TMEM236: variants seen among roughly 807,000 people sequenced by gnomAD.
TMEM236 encodes family with sequence similarity 23, member A.
Under a neutral mutation model 14.7 loss-of-function variants are expected in TMEM236, and 11 were observed. That is an observed-to-expected ratio of 0.75 (90% CI 0.47 to 1.24). The LOEUF (loss-of-function observed/expected upper bound fraction) is 1.24. Ranked by LOEUF, TMEM236 falls within the 50% of genes most tolerant of loss-of-function variation. The pLI, the probability that TMEM236 is intolerant of heterozygous loss-of-function variation, is 0.00. For missense variants in TMEM236, 464 were observed against 427.3 expected (o/e 1.09, Z -0.76); for synonymous variants, 182 against 168.6 (o/e 1.08, Z -0.62).
chr10:17,759,947 C>T (rs1837332506), intron 1 of TMEM236, among the ~76,000 whole-genome samples: 1 of 126,390 alleles, frequency 7.9e-6, no homozygotes, highest in African/African-American at 3.1e-5. Flanking sequence ...AGCGCCGCTG[C>T]AGTCCGGCCT....
At chr10:17,770,915 T>C (rs1837560898) in intron 1 of TMEM236, among the ~76,000 whole-genome samples, 1 of 152,230 alleles carries the variant, frequency 6.6e-6, no homozygotes, top group Non-Finnish European at 1.5e-5. Flanking sequence ...CTTTTTGAAA[T>C]ATAAATTTTA....
chr10:17,793,981 G>A (rs1350291073), intron 3 of TMEM236, among the ~76,000 whole-genome samples: 1 of 152,130 alleles, frequency 6.6e-6, no homozygotes, highest in African/African-American at 2.4e-5. Flanking sequence ...CTAAGGTCAT[G>A]GGTGCTGACA....
chr10:17,784,969 T>C (rs34947373), intron 3 of TMEM236, among the ~76,000 whole-genome samples: 58,741 of 151,982 alleles, frequency 0.39, 12,446 homozygotes, highest in African/African-American at 0.58. Context: ...TGTGATTTTT[T>C]TCCTCACTGA....
At chr10:17,757,926 G>A (rs1172874869) in intron 1 of TMEM236, among the ~76,000 whole-genome samples, 1 of 151,864 alleles carries the variant, frequency 6.6e-6, no homozygotes, top group Non-Finnish European at 1.5e-5. Context: ...GCGCCACCAC[G>A]CCTGGCTAAT....
At chr10:17,771,625 A>G (rs1837574635) in intron 2 of TMEM236, among the ~76,000 whole-genome samples, 1 of 152,196 alleles carries the variant, frequency 6.6e-6, no homozygotes, top group South Asian at 2.1e-4. Context: ...CAGTAATGAT[A>G]TTTGAACGTT....
At position 17,796,415 on chromosome 10, in the gene TMEM236, A is replaced by G; in HGVS notation, c.967A>G (p.Lys323Glu). Residue 323 changes from lysine to glutamate, a missense_variant, in exon 4 of 4, where the codon AAA becomes GAA. By Grantham distance (56) the Lys-to-Glu change is moderately conservative. Transcript: ENST00000377495. Reference protein sequence around the residue: ...GTITPVLGLCKNILVTLSYIY... With the variant: ...GTITPVLGLCENILVTLSYIY... ...TATCACACCCGTACTGGGCCTGTGT[A>G]AAAATATCCTCGTGACTCTCTCTTA... is the stretch of plus-strand genomic sequence containing the variant. The G allele has an allele frequency of 6.2e-7, 1 of 1,613,858 alleles. No individual in the cohort carries two copies. Among genetic ancestry groups the G allele is most frequent in the Non-Finnish European group, 8.5e-7 (1 of 1,179,826 alleles).
intron 2 of TMEM236, among the ~76,000 whole-genome samples, chr10:17,774,026 TA>T (rs1344391400): frequency 0.28 from 33,372 of 117,476 alleles, 4,045 homozygotes; most frequent in East Asian, 0.55. Flanking sequence ...CATATATATA[TA>T]TTTTTGTTTG....
At chr10:17,766,868 A>G (rs1269828388) in intron 1 of TMEM236, among the ~76,000 whole-genome samples, 2 of 151,872 alleles carry the variant, frequency 1.3e-5, no homozygotes, top group African/African-American at 4.8e-5. Context: ...TTTTTTTGGC[A>G]ATCTTTGATG....
chr10:17,770,984 A>C (rs1837562571), intron 1 of TMEM236, among the ~76,000 whole-genome samples: 2 of 152,256 alleles, frequency 1.3e-5, no homozygotes, highest in South Asian at 4.1e-4. Context: ...GTTGGTCACT[A>C]CAGCCTGACC....
chr10:17,769,501 A>C (rs1004680070), intron 1 of TMEM236, among the ~76,000 whole-genome samples: 3 of 152,274 alleles, frequency 2.0e-5, no homozygotes, highest in Non-Finnish European at 4.4e-5. Flanking sequence ...AAGATAATAT[A>C]GATAAAGAAC....
At chr10:17,764,431 G>T (rs1057016309) in intron 1 of TMEM236, among the ~76,000 whole-genome samples, 24 of 152,154 alleles carry the variant, frequency 1.6e-4, no homozygotes, top group African/African-American at 5.6e-4. Context: ...TCCTACTGTG[G>T]TCGCAAACTT....
chr10:17,784,970 T>A (rs1589150695), intron 3 of TMEM236, among the ~76,000 whole-genome samples: 1 of 152,112 alleles, frequency 6.6e-6, no homozygotes, highest in East Asian at 1.9e-4. Context: ...GTGATTTTTT[T>A]CCTCACTGAG....
intron 2 of TMEM236, among the ~76,000 whole-genome samples, chr10:17,772,004 A>G (rs1837581178): frequency 6.6e-6 from 1 of 152,210 alleles, no homozygotes; most frequent in Non-Finnish European, 1.5e-5. Context: ...TTATTTTCCC[A>G]AAGCATACTT....
intron 3 of TMEM236, among the ~76,000 whole-genome samples, chr10:17,791,817 A>ACTTTCCT (rs1388737054): frequency 6.6e-6 from 1 of 152,114 alleles, no homozygotes; most frequent in Non-Finnish European, 1.5e-5. Flanking sequence ...CACAGAATTT[A>ACTTTCCT]CTTTCCTTTA....
intron 1 of TMEM236, among the ~76,000 whole-genome samples, chr10:17,760,962 T>C (rs1837352861): frequency 1.3e-5 from 2 of 152,186 alleles, no homozygotes; most frequent in African/African-American, 4.8e-5. Context: ...TTCTGGGAGC[T>C]ACAATTCAAG....
chr10:17,780,866 T>G (rs1837736409), intron 3 of TMEM236, among the ~76,000 whole-genome samples: 1 of 152,058 alleles, frequency 6.6e-6, no homozygotes, highest in Non-Finnish European at 1.5e-5. Flanking sequence ...CATGACAGAG[T>G]GCACCGGGTT....
At chr10:17,779,670 C>T (rs1157874646) in intron 3 of TMEM236, among the ~76,000 whole-genome samples, 4 of 151,994 alleles carry the variant, frequency 2.6e-5, no homozygotes, top group Non-Finnish European at 1.5e-5. Context: ...CACAGCTTCC[C>T]AAAGCACTGG....
In TMEM236 at chr10:17,752,222, G is replaced by A. The variant is rs1391007160; in HGVS notation, c.-74G>A. The stretch of plus-strand genomic sequence containing the variant: ...GGACAAGGAACTTGATCCCAGTTCA[G>A]TGTCTGTGGGTCCATATGCTGCCCA... On this transcript the variant is annotated 5_prime_UTR_variant, in exon 1 of 4. It adds an upstream start codon to the 5' untranslated region. Transcript: ENST00000377495. 1 of 1,612,380 alleles carries A rather than the reference G, an allele frequency of 6.2e-7. No individual in the cohort carries two copies.
At chr10:17,753,957 G>A (rs978694593) in intron 1 of TMEM236, among the ~76,000 whole-genome samples, 8,230 of 152,208 alleles carry the variant, frequency 0.054, 295 homozygotes, top group Non-Finnish European at 0.08. Flanking sequence ...ATTAATGGGA[G>A]GCTACAATTA....
Sources: allele counts gnomAD v4.1 joint callset (sites outside exome capture counted in the v4.1 genomes callset), GRCh38; gene constraint gnomAD v4.1.1; transcripts MANE v1.5; gene names NCBI Gene and HGNC (gene_info 2026-07-23, HGNC 2026-07-21).